PPP1R1C: variants seen among roughly 807,000 people sequenced by gnomAD.
The protein encoded by PPP1R1C is protein phosphatase 1 regulatory subunit 1C.
Under a neutral mutation model 17.4 loss-of-function variants are expected in PPP1R1C, and 15 were observed. That is an observed-to-expected ratio of 0.86 (90% CI 0.58 to 1.33). The LOEUF is 1.33. Among genes scored for constraint, PPP1R1C ranks in the 40% most tolerant of loss-of-function variants. The probability of loss-of-function intolerance (pLI) is 0.00; values close to 1 mark genes in which losing one functional copy is unlikely to be tolerated. For synonymous variants in PPP1R1C, 35 were observed against 43.1 expected (o/e 0.81, Z 0.73); for missense variants, 143 against 130.0 (o/e 1.10, Z -0.48).
At chr2:181,966,016 C>T (rs915824253) in intron 1 of PPP1R1C, among the ~76,000 whole-genome samples, 16 of 152,042 alleles carry the variant, frequency 1.1e-4, no homozygotes, top group Admixed American at 8.5e-4. Context: ...AAATATTTCA[C>T]TTCTTTGGTT....
At chr2:182,103,575 A>G (rs1489056748) in intron 4 of PPP1R1C, 1 of 152,218 alleles carries the variant, frequency 6.6e-6, no homozygotes, top group Non-Finnish European at 1.5e-5. Flanking sequence ...GCGAACAACA[A>G]ATTGCTATTA....
chr2:182,073,605 A>G (rs1171103341), intron 4 of PPP1R1C, among the ~76,000 whole-genome samples: 2 of 152,230 alleles, frequency 1.3e-5, no homozygotes, highest in Non-Finnish European at 2.9e-5. Context: ...GTTCCCTGAG[A>G]TTGATATGGA....
chr2:182,001,010 T>C (rs1685746631), intron 2 of PPP1R1C, among the ~76,000 whole-genome samples: 1 of 152,186 alleles, frequency 6.6e-6, no homozygotes. Flanking sequence ...AACCTGAGTG[T>C]TCCATGAGGT....
chr2:182,078,386 G>T lies in PPP1R1C; in HGVS notation c.241+14595G>T, dbSNP rs138309874. ...ATAGAGTAGGCAGGTATTTTTTTCA[G>T]GACAACCGTAACCAAAGTGAGCTTC... On this transcript the variant is annotated intron_variant, in intron 4 of 4. Transcript: ENST00000682840. Among the ~76,000 whole-genome samples, 48 of 152,010 alleles carry T rather than the reference G, an allele frequency of 3.2e-4. No individual in the cohort carries two copies. In the East Asian group the frequency reaches 8.5e-3, roughly 27 times the overall value.
chr2:182,006,390 G>A (rs952353556), intron 2 of PPP1R1C, among the ~76,000 whole-genome samples: 5 of 152,118 alleles, frequency 3.3e-5, no homozygotes, highest in African/African-American at 1.2e-4. Flanking sequence ...ACTAAATGTG[G>A]ATTTAAAGTT....
At chr2:182,101,013 AGG>A (rs1689085151) in intron 4 of PPP1R1C, among the ~76,000 whole-genome samples, 1 of 152,200 alleles carries the variant, frequency 6.6e-6, no homozygotes, top group African/African-American at 2.4e-5. Flanking sequence ...CCTATAAGAA[AGG>A]GAAGGTGGAG....
chr2:181,992,247 T>C (rs1685496059), intron 2 of PPP1R1C, among the ~76,000 whole-genome samples: 1 of 77,884 alleles, frequency 1.3e-5, no homozygotes, highest in Non-Finnish European at 3.1e-5. Flanking sequence ...ATACCAAACT[T>C]AAATATAAAT....
chr2:182,126,470 ACAT>A (rs890060206), intron 5 of PPP1R1C, among the ~76,000 whole-genome samples: 20 of 152,076 alleles, frequency 1.3e-4, no homozygotes, highest in Non-Finnish European at 2.9e-4. Flanking sequence ...AGATTTTATA[ACAT>A]CATAACATTT....
At chr2:182,012,749 ATT>A (rs1194919602) in intron 2 of PPP1R1C, among the ~76,000 whole-genome samples, 5 of 151,760 alleles carry the variant, frequency 3.3e-5, no homozygotes, top group Non-Finnish European at 7.4e-5. Context: ...CTTGCTTTTT[ATT>A]TTTTGCGTGT....
intron 2 of PPP1R1C, among the ~76,000 whole-genome samples, chr2:182,012,731 CATTA>C (rs1257985056): frequency 6.6e-6 from 1 of 151,908 alleles, no homozygotes; most frequent in Non-Finnish European, 1.5e-5. Context: ...TGGTAGTATG[CATTA>C]ATTCTTGCTT....
intron 4 of PPP1R1C, among the ~76,000 whole-genome samples, chr2:182,114,194 A>C (rs932833506): frequency 3.9e-5 from 6 of 152,134 alleles, no homozygotes; most frequent in Non-Finnish European, 8.8e-5. Flanking sequence ...TTTTCCGCCC[A>C]TATGCAGCCC....
intron 2 of PPP1R1C, among the ~76,000 whole-genome samples, chr2:182,036,469 T>G (rs1687006576): frequency 6.6e-6 from 1 of 152,210 alleles, no homozygotes; most frequent in Admixed American, 6.5e-5. Context: ...GCACAAACAT[T>G]TTTAAACATG....
chr2:182,111,043 T>A (rs571433774), intron 4 of PPP1R1C, among the ~76,000 whole-genome samples: 27 of 152,148 alleles, frequency 1.8e-4, no homozygotes, highest in African/African-American at 6.3e-4. Flanking sequence ...GAGAGAGAGA[T>A]GATAAAGATG....
At position 182,096,125 on chromosome 2, in the gene PPP1R1C, CTG is replaced by C. The variant is rs1212123666; in HGVS notation, c.242-21078_242-21077del. ...ATGAAACCCGAAATTCTAGAGAAAA[CTG>C]TGTATTTTTATGCTGTCTGATGAAA... On this transcript the variant is annotated intron_variant, in intron 4 of 4. Coordinates refer to ENST00000682840, the MANE Select transcript of PPP1R1C (RefSeq NM_001080545.3). 5.9e-5 allele frequency among the ~76,000 whole-genome samples: 9 copies of C among 152,074 alleles called. 1 individual carries two copies. The South Asian group carries it at 1.2e-3, about 21-fold the overall frequency.
chr2:182,028,440 T>A (rs528864745), intron 2 of PPP1R1C, among the ~76,000 whole-genome samples: 4 of 152,192 alleles, frequency 2.6e-5, no homozygotes, highest in African/African-American at 9.6e-5. Context: ...TCAAAGAACA[T>A]CTTTATTTCT....
At chr2:182,065,064 C>A (rs756831861) in intron 4 of PPP1R1C, among the ~76,000 whole-genome samples, 1 of 151,914 alleles carries the variant, frequency 6.6e-6, no homozygotes, top group Non-Finnish European at 1.5e-5. Context: ...ATATTTAGTT[C>A]TCAAATATCA....
intron 2 of PPP1R1C, among the ~76,000 whole-genome samples, chr2:182,025,137 T>A (rs1474952428): frequency 6.7e-6 from 1 of 149,570 alleles, no homozygotes; most frequent in Non-Finnish European, 1.5e-5. Flanking sequence ...AAGAGTAAAT[T>A]GTTTCTCTTT....
Position 181,961,328 on chromosome 2 carries a change from C to A in PPP1R1C, n.111+6694C>A. On this transcript the variant is annotated intron_variant and non_coding_transcript_variant, in intron 1 of 5. Transcript: ENST00000464264. This position sits in a 1 kb window ranked among gnomAD's most constrained non-coding sequence, Gnocchi z 5.8. ...TCACCAAGATTGAAGTCATCATCAT[C>A]AAGCAGGCGGTGGTAGGTGGCGCTC... The A allele has an allele frequency of 4.1e-6, 3 of 726,892 alleles. No homozygotes were observed. Among genetic ancestry groups the A allele is most frequent in the Non-Finnish European group, 7.5e-6 (3 of 399,868 alleles). 45.0% of individuals were successfully genotyped at this position (726,892 alleles called of 1,614,324 possible). A position where few individuals can be genotyped will look rare whatever the true frequency, so the allele number is the denominator to read the frequency against.
chr2:182,079,388 T>C (rs1217555645), intron 4 of PPP1R1C, among the ~76,000 whole-genome samples: 1 of 152,226 alleles, frequency 6.6e-6, no homozygotes, highest in Non-Finnish European at 1.5e-5. Context: ...CAGGTAATGC[T>C]GCGCTGTGTC....
Sources: gnomAD v4.1 joint callset for allele counts (sites outside exome capture counted in the v4.1 genomes callset) on GRCh38, gnomAD v4.1.1 for gene constraint, Gnocchi (gnomAD v3.1) non-coding constraint, MANE v1.5 for transcripts, NCBI Gene and HGNC (gene_info 2026-07-23, HGNC 2026-07-21) for gene names.